SLC9A9: variants seen among roughly 807,000 people sequenced by gnomAD.
SLC9A9 encodes sodium/hydrogen exchanger 9.
Under a neutral mutation model 77.8 loss-of-function variants are expected in SLC9A9, and 62 were observed. The observed-to-expected ratio is 0.80, with a 90% CI of 0.65 to 0.98. The LOEUF is 0.98. Ranked by LOEUF, SLC9A9 falls within the 50% of genes least tolerant of loss-of-function variation. SLC9A9 has a pLI of 0.00. For missense variants in SLC9A9, 775 were observed against 774.9 expected, an observed-to-expected ratio of 1.00 and a Z score of 0.00; for synonymous variants, 320 against 283.5, an observed-to-expected ratio of 1.13 and a Z score of -1.29.
In SLC9A9 at chr3:143,741,763, CT is replaced by C. The variant is rs529183906; in HGVS notation, c.534-48457del. Among the ~76,000 whole-genome samples, 7 of 152,202 alleles carry C rather than the reference CT, an allele frequency of 4.6e-5. No homozygotes were observed. The South Asian group carries it at 1.2e-3, about 27-fold the overall frequency. ...GCACTTTACGTCGGTGATCTTCCCC[CT>C]AACCCATTGAAACCACCTTTGCAAA... On this transcript the variant is annotated intron_variant, in intron 4 of 15. Coordinates refer to ENST00000316549, the MANE Select transcript of SLC9A9 (RefSeq NM_173653.4).
intron 13 of SLC9A9, among the ~76,000 whole-genome samples, chr3:143,364,205 GA>G (rs1409414892): frequency 6.6e-6 from 1 of 151,276 alleles, no homozygotes; most frequent in Non-Finnish European, 1.5e-5. Context: ...GTGTTTTTGT[GA>G]GAGAAGAGGA....
At chr3:143,576,877 T>C (rs967821851) in intron 7 of SLC9A9, among the ~76,000 whole-genome samples, 6 of 152,210 alleles carry the variant, frequency 3.9e-5, no homozygotes, top group Admixed American at 2.0e-4. Context: ...ACTGACTTTA[T>C]TTCTGTCAAT....
chr3:143,517,554 G>A, intron 9 of SLC9A9: 1 of 1,597,588 alleles, frequency 6.3e-7, no homozygotes, highest in Admixed American at 1.7e-5. Flanking sequence ...TGTGCCCTAG[G>A]TTGAACTTCT....
intron 14 of SLC9A9, among the ~76,000 whole-genome samples, chr3:143,303,258 G>A (rs927109387): frequency 6.6e-6 from 1 of 152,206 alleles, no homozygotes. Context: ...GCTGGGGAGG[G>A]GTGTGTAGAG....
chr3:143,699,515 G>A (rs1289163962), intron 4 of SLC9A9, among the ~76,000 whole-genome samples: 2 of 152,236 alleles, frequency 1.3e-5, no homozygotes, highest in Admixed American at 6.5e-5. Flanking sequence ...TGTGCTTCTG[G>A]GACAGGAAGA....
chr3:143,500,106 G>C (rs1336463850), intron 9 of SLC9A9, among the ~76,000 whole-genome samples: 1 of 151,934 alleles, frequency 6.6e-6, no homozygotes, highest in African/African-American at 2.4e-5. Flanking sequence ...AAAATTCTAG[G>C]CTTGGATTTT....
intron 12 of SLC9A9, among the ~76,000 whole-genome samples, chr3:143,402,750 T>C (rs559065671): frequency 1.5e-4 from 22 of 144,934 alleles, no homozygotes; most frequent in Non-Finnish European, 2.9e-4. Context: ...TCTTTGAATC[T>C]AGGTGAAATT....
At chr3:143,590,545 T>C (rs2037628814) in intron 6 of SLC9A9, among the ~76,000 whole-genome samples, 1 of 152,202 alleles carries the variant, frequency 6.6e-6, no homozygotes, top group African/African-American at 2.4e-5. Context: ...ATAAGTCCTA[T>C]AGAGCAGAAG....
At chr3:143,452,503 T>TAAAAAAAAA (rs58038873) in intron 12 of SLC9A9, among the ~76,000 whole-genome samples, 17 of 108,842 alleles carry the variant, frequency 1.6e-4, no homozygotes, top group East Asian at 7.8e-4. Flanking sequence ...TTAAAAAGAC[T>TAAAAAAAAA]AAAAAAAAAA....
chr3:143,433,613 T>G (rs1469462502), intron 12 of SLC9A9, among the ~76,000 whole-genome samples: 1 of 152,194 alleles, frequency 6.6e-6, no homozygotes, highest in Non-Finnish European at 1.5e-5. Flanking sequence ...GGGTGTTCTG[T>G]TAACCCTTTA....
chr3:143,847,315 C>T (rs1269886543), intron 1 of SLC9A9, among the ~76,000 whole-genome samples: 1 of 152,192 alleles, frequency 6.6e-6, no homozygotes, highest in Non-Finnish European at 1.5e-5. Context: ...TAAACTATTT[C>T]ATCAGTAACA....
At chr3:143,651,808 T>A (rs1181262696) in intron 6 of SLC9A9, among the ~76,000 whole-genome samples, 1 of 152,242 alleles carries the variant, frequency 6.6e-6, no homozygotes, top group African/African-American at 2.4e-5. Context: ...TATACAGCAT[T>A]ACCTTTGCAT....
chr3:143,831,732 G>A (rs928337248), intron 2 of SLC9A9, among the ~76,000 whole-genome samples: 3 of 152,130 alleles, frequency 2.0e-5, no homozygotes, highest in African/African-American at 7.2e-5. Flanking sequence ...AGGCAGAGTT[G>A]ATAAATGTTT....
chr3:143,321,572 T>C (rs2031420988), intron 14 of SLC9A9, among the ~76,000 whole-genome samples: 1 of 152,208 alleles, frequency 6.6e-6, no homozygotes. Context: ...TTGTGTGGTC[T>C]GTATTCTGTT....
chr3:143,838,016 T>C (rs1277089497), intron 1 of SLC9A9, among the ~76,000 whole-genome samples: 1 of 146,104 alleles, frequency 6.8e-6, no homozygotes, highest in South Asian at 2.4e-4. Flanking sequence ...AAGACTACTC[T>C]TCTCTGGACT....
intron 4 of SLC9A9, among the ~76,000 whole-genome samples, chr3:143,742,830 T>G (rs796997110): frequency 2.6e-5 from 4 of 152,018 alleles, no homozygotes; most frequent in African/African-American, 9.6e-5. Context: ...TGTGGGAGGG[T>G]GCGATGGGGG....
chr3:143,760,800 C>T (rs2007095139), intron 4 of SLC9A9, among the ~76,000 whole-genome samples: 1 of 152,174 alleles, frequency 6.6e-6, no homozygotes. Flanking sequence ...CCATCCCCAT[C>T]AAGCTACCAA....
chr3:143,468,899 C>T (rs183572919), intron 11 of SLC9A9, among the ~76,000 whole-genome samples: 2 of 152,234 alleles, frequency 1.3e-5, no homozygotes, highest in Non-Finnish European at 2.9e-5. Context: ...TGGTGGTTCA[C>T]GCCTGTAATC....
At chr3:143,606,432 C>A (rs557556642) in intron 6 of SLC9A9, among the ~76,000 whole-genome samples, 2,197 of 57,884 alleles carry the variant, frequency 0.038, 22 homozygotes, top group African/African-American at 0.068. Context: ...CTCTCTCTCT[C>A]TCTCTATATA....
Sources: gnomAD v4.1 joint callset for allele counts (sites outside exome capture counted in the v4.1 genomes callset) on GRCh38, gnomAD v4.1.1 for gene constraint, MANE v1.5 for transcripts, NCBI Gene and HGNC (gene_info 2026-07-23, HGNC 2026-07-21) for gene names.